The following DNAH5 variants were observed in gnomAD, a reference collection of about 807,000 sequenced individuals.
The protein encoded by DNAH5 is dynein axonemal heavy chain 5.
Under a neutral mutation model 518.2 loss-of-function variants are expected in DNAH5, and 372 were observed. The observed-to-expected ratio is 0.72, with a 90% CI of 0.66 to 0.78. DNAH5 has a LOEUF of 0.78. DNAH5 is among the 30% of genes least tolerant of loss of function. The pLI, the probability that DNAH5 is intolerant of heterozygous loss-of-function variation, is 0.00. For synonymous variants in DNAH5, 2,039 were observed against 2,025.9 expected, an observed-to-expected ratio of 1.01 and a Z score of -0.17; for missense variants, 5,523 against 5,687.0, an observed-to-expected ratio of 0.97 and a Z score of 0.93.
chr5:13,864,933 T>C (rs1769002093), intron 27 of DNAH5, among the ~76,000 whole-genome samples: 1 of 152,020 alleles, frequency 6.6e-6, no homozygotes, highest in African/African-American at 2.4e-5. Flanking sequence ...TACAAACATG[T>C]ACTGAGAACT....
In DNAH5 at chr5:13,841,893, T is replaced by G. The variant is rs770363609; in HGVS notation, c.5283A>C (p.Arg1761=). ...SVKFHEKIYD[R]ILSISSQEGE... ...CCTCTTGAGAGGAAATTGACAGAATTCGATCATAGATCTATGTTAGAAACC... is the reference window on the plus strand; with the variant it reads ...CCTCTTGAGAGGAAATTGACAGAATGCGATCATAGATCTATGTTAGAAACC... Residue 1761 remains arginine (R), a synonymous_variant, in exon 33 of 79, where the codon CGA becomes CGC. Coordinates refer to ENST00000265104, the MANE Select transcript of DNAH5 (RefSeq NM_001369.3). 1 of 1,444,798 alleles carries G rather than the reference T, an allele frequency of 6.9e-7. No individual in the cohort carries two copies. The highest frequency in any genetic ancestry group is 1.2e-5 in the South Asian group (1 of 86,402). 89.5% of individuals were successfully genotyped at this position (1,444,798 alleles called of 1,614,324 possible).
intron 22 of DNAH5, among the ~76,000 whole-genome samples, chr5:13,872,915 ACAGAG>A (rs1406053440): frequency 6.6e-6 from 1 of 152,146 alleles, no homozygotes; most frequent in Non-Finnish European, 1.5e-5. Context: ...GCATGGACAT[ACAGAG>A]CAGAATGATA....
intron 30 of DNAH5, among the ~76,000 whole-genome samples, chr5:13,854,797 T>A (rs1268659422): frequency 2.6e-5 from 4 of 152,130 alleles, no homozygotes; most frequent in African/African-American, 9.7e-5. Flanking sequence ...GGTAAAGGGA[T>A]CAACGCAATG....
At chr5:13,822,918 A>G (rs576842637) in intron 40 of DNAH5, among the ~76,000 whole-genome samples, 1 of 152,312 alleles carries the variant, frequency 6.6e-6, no homozygotes. Flanking sequence ...CAGGGCAGAA[A>G]CAAGCTAAGC....
At position 13,867,742 on chromosome 5, in the gene DNAH5, G is replaced by A. The variant is rs13156044; in HGVS notation, c.4053+32C>T. Reference sequence around the variant, plus strand: ...TTGCATGTTGTATTCACTCATCCCCGAAAACGCACACAGAGAAAGCCAGAG... The same window carrying A: ...TTGCATGTTGTATTCACTCATCCCCAAAAACGCACACAGAGAAAGCCAGAG... On this transcript the variant is annotated intron_variant, in intron 25 of 78. Coordinates refer to ENST00000265104, the MANE Select transcript of DNAH5 (RefSeq NM_001369.3). The A allele has an allele frequency of 0.12, 187,412 of 1,559,750 alleles. 11,943 individuals are homozygous for A. Among genetic ancestry groups the A allele is most frequent in the Non-Finnish European group, 0.13 (145,460 of 1,131,360 alleles).
intron 50 of DNAH5, among the ~76,000 whole-genome samples, 170 bp from the exon 51 acceptor site, chr5:13,789,084 A>G (rs1756537237): frequency 6.6e-6 from 1 of 152,244 alleles, no homozygotes; most frequent in Non-Finnish European, 1.5e-5. Flanking sequence ...ATTCAAGTAT[A>G]TTAAATAGAA....
chr5:13,759,203 C>T (rs982798235), intron 60 of DNAH5, among the ~76,000 whole-genome samples: 2 of 152,208 alleles, frequency 1.3e-5, no homozygotes, highest in Non-Finnish European at 2.9e-5. Flanking sequence ...AGGAGGTCAG[C>T]AAATATTTTC....
chr5:13,778,539 GAAGAAAGAAAGAAAGA>G (rs397996833), intron 53 of DNAH5, among the ~76,000 whole-genome samples: 36 of 73,908 alleles, frequency 4.9e-4, no homozygotes, highest in South Asian at 1.9e-3. Flanking sequence ...GAGAGAGAGA[GAAGAAAGAAAGAAAGA>G]AAGAAAGAAA....
At chr5:13,748,789 T>C (rs1380179464) in intron 65 of DNAH5, among the ~76,000 whole-genome samples, 1 of 152,160 alleles carries the variant, frequency 6.6e-6, no homozygotes, top group Non-Finnish European at 1.5e-5. Flanking sequence ...GCTGAGACAA[T>C]GGGGTTTTCT....
Position 13,776,611 on chromosome 5 carries a change from A to T in DNAH5, c.9201T>A (p.Asn3067Lys). ...KKEFPRCLPT[N>K]ENLHDYFMSR... is the part of the protein sequence containing the mutation. ...TCATGAAGTAGTCGTGCAGGTTCTC[A>T]TTGGTAGGAAGGCACCTGGGGAATT... is the stretch of plus-strand genomic sequence containing the variant. Residue 3067 changes from asparagine (N) to lysine (K), a missense_variant, in exon 55 of 79, where the codon AAT (asparagine) becomes AAA (lysine). Physicochemically the swap from Asn to Lys is moderately conservative, Grantham distance 94. Coordinates refer to ENST00000265104, the MANE Select transcript of DNAH5 (RefSeq NM_001369.3). 6.2e-7 allele frequency: 1 copy of T among 1,613,808 alleles called. No homozygotes were observed. The highest frequency in any genetic ancestry group is 8.5e-7 in the Non-Finnish European group (1 of 1,179,738).
At position 13,810,130 on chromosome 5, in the gene DNAH5, G is replaced by T; in HGVS notation, c.7538C>A (p.Thr2513Lys). 1 of 1,549,976 alleles carries T rather than the reference G, an allele frequency of 6.5e-7. No individual in the cohort carries two copies. The highest frequency in any genetic ancestry group is 8.7e-7 in the Non-Finnish European group (1 of 1,146,766). The change falls in exon 45 of 79, where the codon ACA becomes AAA. Residue 2513 changes from threonine (T) to lysine (K), a missense_variant. Physicochemically the swap from Thr to Lys is moderately conservative, Grantham distance 78 (BLOSUM62 -1). This residue lies in a region of DNAH5 where 5,121 missense variants were observed against 5,223.3 expected (regional missense o/e 0.98). Transcript: ENST00000265104. ...RLELWLRSRP[T>K]GTLELPPPAG... is the part of the protein sequence containing the mutation. ...TGGCGGCGGCAGCTCCAGCGTCCCT[G>T]TGGGCCGAGAGCGCAGCCAGAGCTC...
chr5:13,768,093 T>C lies in DNAH5; in HGVS notation c.9897+867A>G, dbSNP rs114706086. On this transcript the variant is annotated intron_variant, in intron 58 of 78. Coordinates refer to ENST00000265104, the MANE Select transcript of DNAH5 (RefSeq NM_001369.3). ...TCTCAAAATCCAACCTCTTTTGTAA[T>C]TTTGCCATTGGTGTATTGCCACATA... 4.3e-3 allele frequency among the ~76,000 whole-genome samples: 648 copies of C among 152,300 alleles called. 3 individuals are homozygous for C. The highest frequency in any genetic ancestry group is 0.015 in the African/African-American group (622 of 41,556).
intron 1 of DNAH5, among the ~76,000 whole-genome samples, chr5:13,972,289 C>A (rs945574640): frequency 6.6e-6 from 1 of 152,212 alleles, no homozygotes; most frequent in East Asian, 1.9e-4. Context: ...CATGCCTCCC[C>A]ACCTGGCGCA....
chr5:13,989,322 T>TA, intron 1 of DNAH5, among the ~76,000 whole-genome samples: 1 of 151,944 alleles, frequency 6.6e-6, no homozygotes, highest in Admixed American at 6.6e-5. Flanking sequence ...TATGCAGCCA[T>TA]AAAAATGGTT....
intron 46 of DNAH5, among the ~76,000 whole-genome samples, chr5:13,808,197 T>C (rs1400509388): frequency 1.4e-5 from 2 of 139,902 alleles, no homozygotes; most frequent in Non-Finnish European, 3.0e-5. Context: ...ACTATTGCAC[T>C]CTAACCTGGG....
intron 1 of DNAH5, among the ~76,000 whole-genome samples, chr5:13,963,708 A>T (rs935603842): frequency 6.6e-6 from 1 of 152,160 alleles, no homozygotes; most frequent in Non-Finnish European, 1.5e-5. Context: ...CCCGAACATT[A>T]ATAAAATTGC....
At chr5:13,735,032 G>T in intron 68 of DNAH5, 99 bp downstream of exon 68, 1 of 1,042,518 alleles carries the variant, frequency 9.6e-7, no homozygotes, top group Non-Finnish European at 1.5e-6. Context: ...CTTACATAAT[G>T]CAAGGCAATT....
At chr5:13,869,309 G>A (rs946556687) in intron 24 of DNAH5, among the ~76,000 whole-genome samples, 2 of 102,920 alleles carry the variant, frequency 1.9e-5, no homozygotes, top group African/African-American at 3.9e-5. Flanking sequence ...AAAAGATGAT[G>A]ATTTTACAAC....
rs377481206 is a variant in DNAH5 at position 13,807,647 on chromosome 5, A to G, written c.7831T>C (p.Cys2611Arg). Residue 2611 changes from cysteine (C) to arginine (R), a missense_variant, in exon 47 of 79, where the codon TGT becomes CGT. Physicochemically the swap from Cys to Arg is radical, Grantham distance 180. Around this residue, in one of 3 missense-constraint regions of DNAH5, gnomAD observed 5,121 missense variants for 5,223.3 expected, o/e 0.98. Transcript: ENST00000265104. ...AAATTCAGACTCTTGATCATGTGAC[A>G]TTCAGGATCATATTTTGACATAAAT... ...KGFMSKYDPECHMIKSLNFSS... is the reference protein window; with the variant it reads ...KGFMSKYDPERHMIKSLNFSS... 26 of 1,612,094 alleles carry G rather than the reference A, an allele frequency of 1.6e-5. No homozygotes were observed. Among genetic ancestry groups the G allele is most frequent in the Non-Finnish European group, 2.1e-5 (25 of 1,178,490 alleles).
Sources: gnomAD v4.1 joint callset for allele counts (sites outside exome capture counted in the v4.1 genomes callset) on GRCh38, gnomAD v4.1.1 for gene constraint, gnomAD v4.1.1 regional missense constraint, MANE v1.5 for transcripts, NCBI Gene and HGNC (gene_info 2026-07-23, HGNC 2026-07-21) for gene names.